Variants in RIPK2 observed in about 807,000 individuals in gnomAD.
RIPK2 encodes the protein receptor-interacting serine/threonine-protein kinase 2.
RIPK2 carries 38 observed loss-of-function variants against 60.9 expected under a neutral mutation model. The ratio of observed to expected loss-of-function variants is 0.62; its 90% CI spans 0.48 to 0.82. RIPK2 has a LOEUF of 0.82. Among genes scored for constraint, RIPK2 ranks in the 40% least tolerant of loss-of-function variants. The pLI, the probability that RIPK2 is intolerant of heterozygous loss-of-function variation, is 0.00. For missense variants in RIPK2, 518 were observed against 647.0 expected (o/e 0.80, Z 2.16); for synonymous variants, 225 against 223.4 (o/e 1.01, Z -0.06).
intron 6 of RIPK2, among the ~76,000 whole-genome samples, chr8:89,778,359 TGAC>T (rs1809437012): frequency 6.6e-6 from 1 of 152,188 alleles, no homozygotes; most frequent in Non-Finnish European, 1.5e-5. Context: ...ATACATTCAT[TGAC>T]TTTTTAGTAT....
At chr8:89,789,204 A>G in intron 9 of RIPK2, 117 bp from the exon 10 acceptor site, 2 of 821,928 alleles carry the variant, frequency 2.4e-6, no homozygotes, top group Non-Finnish European at 3.9e-6. Flanking sequence ...CAGCCTTAAT[A>G]TTAGTGGAAA....
At chr8:89,788,537 G>A (rs1429992978) in intron 9 of RIPK2, among the ~76,000 whole-genome samples, 1 of 151,696 alleles carries the variant, frequency 6.6e-6, no homozygotes, top group African/African-American at 2.4e-5. Flanking sequence ...AGAACTTTGG[G>A]AGGCTGAGAC....
At chr8:89,758,359 T>G in intron 1 of RIPK2, 126 bp downstream of exon 1, 1 of 961,814 alleles carries the variant, frequency 1.0e-6, no homozygotes, top group Non-Finnish European at 1.5e-6. Context: ...TCGTCACCTC[T>G]AGGGAGCCCT....
chr8:89,787,852 T>C (rs1038095169), intron 9 of RIPK2, among the ~76,000 whole-genome samples: 3 of 152,064 alleles, frequency 2.0e-5, no homozygotes, highest in Non-Finnish European at 4.4e-5. Flanking sequence ...ACTATTACTG[T>C]AGTACCCGTG....
chr8:89,771,436 A>G (rs1809309330), intron 4 of RIPK2, among the ~76,000 whole-genome samples: 1 of 151,928 alleles, frequency 6.6e-6, no homozygotes. Context: ...TTTGTGAAAA[A>G]TAATATCATT....
intron 6 of RIPK2, 121 bp from the exon 7 acceptor site, chr8:89,779,954 C>G: frequency 1.7e-6 from 1 of 597,816 alleles, no homozygotes; most frequent in Non-Finnish European, 3.0e-6. Flanking sequence ...GCTCGTAAAA[C>G]AGCTGAATGT....
At chr8:89,781,340 C>G (rs1809495101) in intron 7 of RIPK2, among the ~76,000 whole-genome samples, 1 of 138,748 alleles carries the variant, frequency 7.2e-6, no homozygotes, top group Non-Finnish European at 1.5e-5. Context: ...TTTCTCTCTT[C>G]CTTAATAGAT....
In RIPK2 at chr8:89,772,675, A is replaced by C; in HGVS notation, c.700A>C (p.Asn234His). 6.2e-7 allele frequency: 1 copy of C among 1,600,266 alleles called. No individual in the cohort carries two copies. Among genetic ancestry groups the C allele is most frequent in the Non-Finnish European group, 8.5e-7 (1 of 1,173,396 alleles). ...SRKQPFEDVT[N>H]PLQIMYSVSQ... ...TCTATTTGTTTTGACAGATGTCACC[A>C]ATCCTTTGCAGATAATGTATAGTGT... is the stretch of plus-strand genomic sequence containing the variant. Residue 234 changes from asparagine (N) to histidine (H), a missense_variant, in exon 6 of 11, where the codon AAT (asparagine) becomes CAT (histidine). By Grantham distance (68) the Asn-to-His change is moderately conservative. This residue lies in a region of RIPK2 where 448 missense variants were observed against 534.7 expected (regional missense o/e 0.84). Coordinates refer to ENST00000220751, the MANE Select transcript of RIPK2 (RefSeq NM_003821.6).
intron 6 of RIPK2, among the ~76,000 whole-genome samples, chr8:89,777,252 GAAGT>G (rs1451924453): frequency 2.0e-5 from 3 of 152,224 alleles, no homozygotes; most frequent in African/African-American, 7.2e-5. Context: ...AGTTTGCAGA[GAAGT>G]AAGTATTGCC....
In RIPK2 at chr8:89,762,991, T is replaced by G; in HGVS notation, c.327+9T>G. ...ATGAACTCCTACATAGGGTAAGTAT[T>G]ACACAGTTTTAGTGGCCATAATTGC... On this transcript the variant is annotated intron_variant, in intron 2 of 10. Coordinates refer to ENST00000220751, the MANE Select transcript of RIPK2 (RefSeq NM_003821.6). 1 of 1,400,772 alleles carries G rather than the reference T, an allele frequency of 7.1e-7. No individual in the cohort carries two copies. The highest frequency in any genetic ancestry group is 9.4e-7 in the Non-Finnish European group (1 of 1,062,438). 86.8% of individuals were successfully genotyped at this position (1,400,772 alleles called of 1,614,324 possible). A position where few individuals can be genotyped will look rare whatever the true frequency, so the allele number is the denominator to read the frequency against.
At chr8:89,774,621 G>A (rs1232979697) in intron 6 of RIPK2, among the ~76,000 whole-genome samples, 1 of 152,194 alleles carries the variant, frequency 6.6e-6, no homozygotes, top group Non-Finnish European at 1.5e-5. Flanking sequence ...TAGCCAGCAA[G>A]TAGAAACGGT....
At chr8:89,758,371 C>A in intron 1 of RIPK2, 138 bp downstream of exon 1, 1 of 879,332 alleles carries the variant, frequency 1.1e-6, no homozygotes, top group Non-Finnish European at 1.7e-6. Context: ...GGGAGCCCTT[C>A]AAGCTTGGGA....
chr8:89,769,658 A>ATAT, intron 3 of RIPK2, 114 bp from the exon 4 acceptor site: 1 of 664,928 alleles, frequency 1.5e-6, no homozygotes, highest in Non-Finnish European at 2.4e-6. Flanking sequence ...ATATTAAAAT[A>ATAT]TATTACATTT....
Position 89,762,868 on chromosome 8 carries a change from C to A in RIPK2, c.213C>A (p.His71Gln). 6.7e-7 allele frequency: 1 copy of A among 1,497,572 alleles called. No individual in the cohort carries two copies. The highest frequency in any genetic ancestry group is 9.0e-7 in the Non-Finnish European group (1 of 1,112,134). The allele number at this position is 1,497,572 out of a possible 1,614,324, so 92.8% of individuals were successfully genotyped here. A position where few individuals can be genotyped will look rare whatever the true frequency, so the allele number is the denominator to read the frequency against. ...TCTTAAGAGAAGCTGAAATTTTACA[C>A]AAAGCTAGATTTAGTTACATTCTTC... Reference protein sequence around the residue: ...KDVLREAEILHKARFSYILPI... With the variant: ...KDVLREAEILQKARFSYILPI... The change falls in exon 2 of 11, where the codon CAC becomes CAA. Residue 71 changes from histidine to glutamine, a missense_variant. Transcript: ENST00000220751.
rs1465262987 is a variant in RIPK2, at chr8:89,790,069, T to C, written c.1286-10T>C. On this transcript the variant is annotated splice_polypyrimidine_tract_variant and intron_variant, in intron 10 of 10. Coordinates refer to ENST00000220751, the MANE Select transcript of RIPK2 (RefSeq NM_003821.6). ...ACCTTTTAAATTATTCATTCCTTGT[T>C]CTTTTTCAGAACGTCTGCAGCCTGG... The C allele has an allele frequency of 6.3e-7, 1 of 1,593,598 alleles. No homozygotes were observed. The highest frequency in any genetic ancestry group is 2.2e-5 in the East Asian group (1 of 44,696).
chr8:89,759,437 G>T (rs1809109102), intron 1 of RIPK2: 1 of 454,772 alleles, frequency 2.2e-6, no homozygotes, highest in African/African-American at 2.0e-5. Flanking sequence ...TGCCTGATTG[G>T]CCAGAAGCTG....
intron 3 of RIPK2, among the ~76,000 whole-genome samples, chr8:89,767,232 TCTAA>T (rs1444659859): frequency 2.0e-5 from 3 of 151,812 alleles, no homozygotes; most frequent in African/African-American, 4.8e-5. Flanking sequence ...CTATACTATA[TCTAA>T]CTGAGTGTAA....
intron 5 of RIPK2, 134 bp from the exon 6 acceptor site, chr8:89,772,533 T>C (rs1809331052): frequency 1.6e-6 from 1 of 627,894 alleles, no homozygotes; most frequent in Non-Finnish European, 2.7e-6. Context: ...ATATATTCCT[T>C]TTACAGAAAG....
chr8:89,771,396 A>G (rs1809308961), intron 4 of RIPK2, among the ~76,000 whole-genome samples: 1 of 151,940 alleles, frequency 6.6e-6, no homozygotes, highest in Non-Finnish European at 1.5e-5. Flanking sequence ...ATAGAGCTCC[A>G]TGAGACAATT....
Sources: allele counts gnomAD v4.1 joint callset (sites outside exome capture counted in the v4.1 genomes callset), GRCh38; gene constraint gnomAD v4.1.1; regional missense constraint gnomAD v4.1.1; transcripts MANE v1.5; gene names NCBI Gene and HGNC (gene_info 2026-07-23, HGNC 2026-07-21).